The following KAZN variants were observed in gnomAD, a reference collection of about 807,000 sequenced individuals.
KAZN encodes the protein kazrin, periplakin interacting protein, also known as kazrin.
Under a neutral mutation model 87.4 loss-of-function variants are expected in KAZN, and 40 were observed. That is an observed-to-expected ratio of 0.46 (90% CI 0.36 to 0.60). The LOEUF (loss-of-function observed/expected upper bound fraction) is 0.60. KAZN is among the 20% of genes least tolerant of loss of function. The pLI is 0.00. For synonymous variants in KAZN, 466 were observed against 458.3 expected (o/e 1.02, Z -0.22); for missense variants, 898 against 1,073.9 (o/e 0.84, Z 2.29).
intron 1 of KAZN, among the ~76,000 whole-genome samples, chr1:14,097,762 T>C (rs1393717976): frequency 6.6e-6 from 1 of 152,220 alleles, no homozygotes; most frequent in African/African-American, 2.4e-5. Context: ...TCAGATATGC[T>C]TAACTTGACT....
chr1:15,047,663 C>T (rs552630259), intron 4 of KAZN, among the ~76,000 whole-genome samples: 2 of 152,182 alleles, frequency 1.3e-5, no homozygotes, highest in Admixed American at 6.5e-5. Flanking sequence ...CCCAGCTCCT[C>T]GGGAGGCTGA....
At chr1:14,242,118 A>C (rs1648992787) in intron 2 of KAZN, among the ~76,000 whole-genome samples, 1 of 152,210 alleles carries the variant, frequency 6.6e-6, no homozygotes, top group Admixed American at 6.5e-5. Flanking sequence ...CTTGGCTGAA[A>C]GACTCAGGTT....
intron 2 of KAZN, among the ~76,000 whole-genome samples, chr1:14,474,552 G>A (rs1226651133): frequency 6.6e-6 from 1 of 152,246 alleles, no homozygotes; most frequent in African/African-American, 2.4e-5. Flanking sequence ...GGCATAGCAT[G>A]AGCCAGAGAG....
At chr1:14,494,161 A>C (rs750213614) in intron 2 of KAZN, among the ~76,000 whole-genome samples, 7 of 152,228 alleles carry the variant, frequency 4.6e-5, no homozygotes, top group Non-Finnish European at 1.0e-4. Flanking sequence ...GCACTGAATT[A>C]GTCTCAGGAG....
At chr1:14,335,760 CAG>C (rs34561318) in intron 2 of KAZN, among the ~76,000 whole-genome samples, 321 of 147,618 alleles carry the variant, frequency 2.2e-3, no homozygotes, top group Admixed American at 2.8e-3. Flanking sequence ...CACACACACA[CAG>C]AGAGAGAGAG....
At chr1:14,277,969 G>A (rs768290419) in intron 2 of KAZN, among the ~76,000 whole-genome samples, 18 of 151,782 alleles carry the variant, frequency 1.2e-4, no homozygotes, top group Non-Finnish European at 2.2e-4. Context: ...CCACCCTCAC[G>A]TTTATTTACA....
intron 1 of KAZN, among the ~76,000 whole-genome samples, chr1:13,979,274 C>A (rs1638539637): frequency 6.6e-6 from 1 of 152,018 alleles, no homozygotes; most frequent in South Asian, 2.1e-4. Flanking sequence ...AAAAAGGAAA[C>A]CTCAAGACAT....
chr1:14,074,725 G>A (rs576903127), intron 1 of KAZN, among the ~76,000 whole-genome samples: 8 of 152,272 alleles, frequency 5.3e-5, no homozygotes, highest in Non-Finnish European at 1.0e-4. Flanking sequence ...TTAATGAGGT[G>A]TCAAAAAGAA....
rs1457692021 is a variant in KAZN at position 13,931,821 on chromosome 1, CACCTT to C, written c.91+38068_91+38072del. Among the ~76,000 whole-genome samples the C allele has an allele frequency of 2.6e-5, 4 of 152,224 alleles. No individual in the cohort carries two copies. In the East Asian group the frequency reaches 7.7e-4, roughly 29 times the overall value. The stretch of plus-strand genomic sequence containing the variant: ...GATTCATAAATGTATTTATATAAGA[CACCTT>C]ACAAAGGTGTATAGCTTAAGTTTTT... On this transcript the variant is annotated intron_variant, in intron 1 of 16. Transcript: ENST00000636203.
intron 1 of KAZN, among the ~76,000 whole-genome samples, chr1:14,142,281 T>G (rs992761207): frequency 6.6e-6 from 1 of 152,160 alleles, no homozygotes; most frequent in Non-Finnish European, 1.5e-5. Flanking sequence ...TTTCAAAACC[T>G]CCTGGTGCAT....
chr1:15,104,704 C>T (rs187058453), intron 13 of KAZN, among the ~76,000 whole-genome samples: 3 of 152,176 alleles, frequency 2.0e-5, no homozygotes, highest in Non-Finnish European at 2.9e-5. Flanking sequence ...AACACCTGGG[C>T]ATAAACCAGT....
intron 1 of KAZN, among the ~76,000 whole-genome samples, chr1:14,843,280 G>A (rs1158889276): frequency 6.6e-6 from 1 of 152,178 alleles, no homozygotes; most frequent in African/African-American, 2.4e-5. Flanking sequence ...AACAAATAAA[G>A]GTTTGAGAAA....
chr1:14,457,471 A>G (rs1003515405), intron 2 of KAZN, among the ~76,000 whole-genome samples: 1 of 152,220 alleles, frequency 6.6e-6, no homozygotes, highest in South Asian at 2.1e-4. Context: ...TCTTTCTGTC[A>G]TCTGCTAACT....
intron 2 of KAZN, among the ~76,000 whole-genome samples, chr1:14,489,144 G>T (rs1669508733): frequency 6.6e-6 from 1 of 152,118 alleles, no homozygotes; most frequent in Non-Finnish European, 1.5e-5. Context: ...GGTTTCTTAT[G>T]ATTGAGGTCA....
chr1:15,101,260 CTCTT>C (rs1304496827), intron 10 of KAZN, among the ~76,000 whole-genome samples: 1 of 151,602 alleles, frequency 6.6e-6, no homozygotes, highest in East Asian at 1.9e-4. Context: ...CCTTCTCTGT[CTCTT>C]TCTCTCTTTG....
Position 13,956,307 on chromosome 1 carries a change from T to TTC in KAZN, c.91+62552_91+62553insCT, listed in dbSNP as rs150548482. Among the ~76,000 whole-genome samples, 388 of 134,110 alleles carry TTC rather than the reference T, an allele frequency of 2.9e-3. 9 individuals carry two copies. The East Asian group carries it at 0.075, about 26-fold the overall frequency. The allele number at this position is 134,110 out of a possible 152,430, so 88.0% of individuals were successfully genotyped here. A position where few individuals can be genotyped will look rare whatever the true frequency, so the allele number is the denominator to read the frequency against. ...TTACTACATCATTTCTTTTCTTTTT[T>TTC]TTCTTTTTTTTTTTTTGATCATTTA... is the stretch of plus-strand genomic sequence containing the variant. On this transcript the variant is annotated intron_variant, in intron 1 of 16. Transcript: ENST00000636203.
intron 1 of KAZN, among the ~76,000 whole-genome samples, chr1:14,023,573 G>A (rs184558967): frequency 2.6e-5 from 4 of 152,260 alleles, no homozygotes; most frequent in East Asian, 1.9e-4. Flanking sequence ...CATAGGCTGC[G>A]CTTCTTCCTT....
chr1:14,664,474 A>C (rs773956597), intron 1 of KAZN, among the ~76,000 whole-genome samples: 1 of 152,002 alleles, frequency 6.6e-6, no homozygotes, highest in Non-Finnish European at 1.5e-5. Flanking sequence ...AACCATGTTG[A>C]TATTGGTTTG....
At chr1:13,974,578 A>G (rs1014507862) in intron 1 of KAZN, among the ~76,000 whole-genome samples, 39 of 152,208 alleles carry the variant, frequency 2.6e-4, no homozygotes, top group African/African-American at 9.4e-4. Flanking sequence ...TTTGGCAGAC[A>G]GAAGAGGAGA....
Sources: gnomAD v4.1 joint callset for allele counts (sites outside exome capture counted in the v4.1 genomes callset) on GRCh38, gnomAD v4.1.1 for gene constraint, MANE v1.5 for transcripts, NCBI Gene and HGNC (gene_info 2026-07-23, HGNC 2026-07-21) for gene names.